Variants in FSTL5 observed in about 807,000 individuals in gnomAD.
The protein encoded by FSTL5 is follistatin-related protein 5.
A neutral mutation model predicts 89.1 loss-of-function variants in FSTL5; 62 were observed. The ratio of observed to expected loss-of-function variants is 0.70; its 90% confidence interval spans 0.57 to 0.86. FSTL5 has a LOEUF of 0.86. Ranked by LOEUF, FSTL5 falls within the 40% of genes least tolerant of loss-of-function variation. The pLI is 0.00. For synonymous variants in FSTL5, 383 were observed against 346.2 expected (o/e 1.11, Z -1.18); for missense variants, 1,057 against 1,001.6 (o/e 1.06, Z -0.75).
intron 3 of FSTL5, among the ~76,000 whole-genome samples, chr4:162,023,438 C>T (rs1737169072): frequency 1.3e-5 from 2 of 152,132 alleles, no homozygotes; most frequent in African/African-American, 4.8e-5. Context: ...TTTCTCTACC[C>T]TTTGGGCTTA....
At chr4:162,074,432 GT>G (rs1278216687) in intron 2 of FSTL5, among the ~76,000 whole-genome samples, 2 of 151,448 alleles carry the variant, frequency 1.3e-5, no homozygotes, top group Admixed American at 1.3e-4. Context: ...TGAAGATTAT[GT>G]TTCAAAATGG....
At chr4:161,486,841 T>C (rs1478438536) in intron 12 of FSTL5, among the ~76,000 whole-genome samples, 3 of 152,328 alleles carry the variant, frequency 2.0e-5, no homozygotes, top group East Asian at 3.9e-4. Context: ...TTTTAATTAA[T>C]TAATTACAAA....
At chr4:162,011,040 G>T (rs998672868) in intron 3 of FSTL5, among the ~76,000 whole-genome samples, 18 of 152,084 alleles carry the variant, frequency 1.2e-4, no homozygotes, top group Non-Finnish European at 2.5e-4. Context: ...ATAAAATCCA[G>T]GAACATCAGA....
chr4:161,436,508 T>C (rs574840436), intron 15 of FSTL5, among the ~76,000 whole-genome samples: 3 of 152,202 alleles, frequency 2.0e-5, no homozygotes, highest in Non-Finnish European at 2.9e-5. Context: ...TTGTGCATCA[T>C]TGCTTCGGCT....
intron 1 of FSTL5, among the ~76,000 whole-genome samples, chr4:162,134,413 G>A (rs1732448245): frequency 6.6e-6 from 1 of 152,134 alleles, no homozygotes; most frequent in Non-Finnish European, 1.5e-5. Context: ...ATTGGTTGAT[G>A]AGCTTCAGGC....
intron 4 of FSTL5, among the ~76,000 whole-genome samples, chr4:161,875,494 A>C (rs1449727520): frequency 6.6e-6 from 1 of 152,070 alleles, no homozygotes; most frequent in Non-Finnish European, 1.5e-5. Flanking sequence ...CTACCACTTC[A>C]GTTTCATGAG....
chr4:161,534,426 C>A (rs7668020), intron 10 of FSTL5, among the ~76,000 whole-genome samples: 43,194 of 151,858 alleles, frequency 0.28, 7,154 homozygotes, highest in Non-Finnish European at 0.37. Context: ...TTTCTATATA[C>A]CAATTCCATT....
At chr4:161,876,753 G>T (rs76620465) in intron 4 of FSTL5, among the ~76,000 whole-genome samples, 7,075 of 151,660 alleles carry the variant, frequency 0.047, 209 homozygotes, top group Non-Finnish European at 0.07. Context: ...TAAAAAAAGA[G>T]AAAAATATAG....
intron 3 of FSTL5, among the ~76,000 whole-genome samples, chr4:161,959,084 T>C (rs1226190382): frequency 6.6e-6 from 1 of 152,154 alleles, no homozygotes; most frequent in East Asian, 1.9e-4. Flanking sequence ...CACTGTCCAT[T>C]GTTCCTTGAT....
chr4:161,394,362 A>G (rs1454303638), intron 15 of FSTL5, among the ~76,000 whole-genome samples: 1 of 152,118 alleles, frequency 6.6e-6, no homozygotes, highest in Admixed American at 6.6e-5. Context: ...TGCAACCTCC[A>G]CCTTCTGGGT....
chr4:162,021,034 G>A (rs1430385653), intron 3 of FSTL5, among the ~76,000 whole-genome samples: 1 of 151,980 alleles, frequency 6.6e-6, no homozygotes, highest in African/African-American at 2.4e-5. Flanking sequence ...GTTTAAGTCT[G>A]TCTCCCATTT....
chr4:161,459,679 A>G (rs987661702), intron 13 of FSTL5, among the ~76,000 whole-genome samples: 20 of 152,030 alleles, frequency 1.3e-4, no homozygotes, highest in African/African-American at 4.6e-4. Context: ...AAGATATAAA[A>G]GATTAATATA....
chr4:161,554,113 TAAATA>T (rs1254938280), intron 8 of FSTL5, among the ~76,000 whole-genome samples: 2 of 151,516 alleles, frequency 1.3e-5, no homozygotes, highest in Admixed American at 1.3e-4. Flanking sequence ...TGGAGGAAAC[TAAATA>T]AAATAAAGTA....
At chr4:162,128,519 G>A (rs1362141687) in intron 1 of FSTL5, among the ~76,000 whole-genome samples, 2 of 152,214 alleles carry the variant, frequency 1.3e-5, no homozygotes, top group Admixed American at 6.5e-5. Flanking sequence ...CACAAAGTAG[G>A]CCCTCACCAG....
intron 15 of FSTL5, among the ~76,000 whole-genome samples, chr4:161,454,708 C>G (rs78938939): frequency 0.053 from 8,012 of 151,800 alleles, 665 homozygotes; most frequent in African/African-American, 0.18. Flanking sequence ...TTGTAAGAGC[C>G]CAGTAAGAAA....
intron 2 of FSTL5, among the ~76,000 whole-genome samples, chr4:162,109,034 A>T (rs1161503115): frequency 6.6e-6 from 1 of 152,024 alleles, no homozygotes; most frequent in Non-Finnish European, 1.5e-5. Context: ...CAAATCAAAG[A>T]AATTGATAGG....
At chr4:161,666,230 A>T (rs1736887478) in intron 6 of FSTL5, among the ~76,000 whole-genome samples, 1 of 152,122 alleles carries the variant, frequency 6.6e-6, no homozygotes, top group Non-Finnish European at 1.5e-5. Context: ...TAACAAAACA[A>T]TCAAGAAATC....
At chr4:161,850,820 A>G (rs1266206414) in intron 4 of FSTL5, among the ~76,000 whole-genome samples, 4 of 152,212 alleles carry the variant, frequency 2.6e-5, no homozygotes, top group African/African-American at 9.6e-5. Flanking sequence ...CATATACAAA[A>G]TGGAATACTA....
Position 161,792,510 on chromosome 4 carries a change from T to A in FSTL5, c.410-16436A>T, listed in dbSNP as rs1729512384. 2.6e-5 allele frequency among the ~76,000 whole-genome samples: 4 copies of A among 152,224 alleles called. No homozygotes were observed. The South Asian group carries it at 8.3e-4, about 32-fold the overall frequency. On this transcript the variant is annotated intron_variant, in intron 4 of 15. Transcript: ENST00000306100. ...CAGTCTCATGGACCAGAATGAGAAC[T>A]TATGGTGCTTTTCCCTGGTCTGCCC...
Sources: gnomAD v4.1 joint callset for allele counts (sites outside exome capture counted in the v4.1 genomes callset) on GRCh38, gnomAD v4.1.1 for gene constraint, MANE v1.5 for transcripts, NCBI Gene and HGNC (gene_info 2026-07-23, HGNC 2026-07-21) for gene names.